Variants in CNTNAP2 observed in about 807,000 individuals in gnomAD.
CNTNAP2 encodes the protein contactin associated protein 2.
CNTNAP2 carries 98 observed loss-of-function variants against 155.2 expected under a neutral mutation model. The ratio of observed to expected loss-of-function variants is 0.63; its 90% CI spans 0.54 to 0.75. CNTNAP2 has a LOEUF of 0.75. CNTNAP2 is among the 30% of genes least tolerant of loss of function. CNTNAP2 has a pLI of 0.00. For missense variants in CNTNAP2, 1,727 were observed against 1,688.1 expected (o/e 1.02, Z -0.40); for synonymous variants, 651 against 631.2 (o/e 1.03, Z -0.47).
chr7:147,562,359 A>T, intron 12 of CNTNAP2, 102 bp downstream of exon 12: 1 of 1,413,762 alleles, frequency 7.1e-7, no homozygotes, highest in Admixed American at 1.7e-5. Context: ...TTTTTATCAC[A>T]ACATCTAATC....
At chr7:147,597,019 T>C (rs1800838080) in intron 12 of CNTNAP2, among the ~76,000 whole-genome samples, 1 of 152,136 alleles carries the variant, frequency 6.6e-6, no homozygotes, top group Non-Finnish European at 1.5e-5. Context: ...CCCACCCCTT[T>C]CCCAGAAAAC....
At chr7:146,423,111 C>T (rs1396298361) in intron 1 of CNTNAP2, among the ~76,000 whole-genome samples, 1 of 152,048 alleles carries the variant, frequency 6.6e-6, no homozygotes, top group Non-Finnish European at 1.5e-5. Context: ...TTTTATTTTA[C>T]ATTCCTTTCT....
chr7:147,086,637 C>G (rs1021665037), intron 4 of CNTNAP2, among the ~76,000 whole-genome samples: 11 of 152,092 alleles, frequency 7.2e-5, no homozygotes, highest in African/African-American at 2.2e-4. Flanking sequence ...CAGGGTCTCT[C>G]TATGTTGCCC....
rs1554399313 is a variant in CNTNAP2, at chr7:147,504,823, C to CAT, written c.1777+18797_1777+18798dup. Among the ~76,000 whole-genome samples the CAT allele has an allele frequency of 6.1e-3, 650 of 107,416 alleles. 7 individuals are homozygous for CAT. The highest frequency in any genetic ancestry group is 0.027 in the East Asian group (124 of 4,672). 70.5% of individuals were successfully genotyped at this position (107,416 alleles called of 152,430 possible). A position where few individuals can be genotyped will look rare whatever the true frequency, so the allele number is the denominator to read the frequency against. On this transcript the variant is annotated intron_variant, in intron 11 of 23. Transcript: ENST00000361727. ...AAAAATATAATTTAAAAACTATATTCATATATATATATATATGAATCAGAA... is the reference window on the plus strand; with the variant it reads ...AAAAATATAATTTAAAAACTATATTCATATATATATATATATATGAATCAGAA...
At chr7:147,025,529 G>A (rs1342490486) in intron 3 of CNTNAP2, among the ~76,000 whole-genome samples, 16 of 131,176 alleles carry the variant, frequency 1.2e-4, no homozygotes, top group Middle Eastern at 4.1e-3. Context: ...GTGGGGAGGG[G>A]AGGGCAAGGG....
At chr7:147,492,261 A>T (rs533215792) in intron 11 of CNTNAP2, among the ~76,000 whole-genome samples, 1 of 152,154 alleles carries the variant, frequency 6.6e-6, no homozygotes, top group African/African-American at 2.4e-5. Flanking sequence ...TCAGGATCCT[A>T]TGAGAATCTA....
intron 1 of CNTNAP2, among the ~76,000 whole-genome samples, chr7:146,755,778 A>C (rs1801985294): frequency 6.6e-6 from 1 of 151,994 alleles, no homozygotes; most frequent in Non-Finnish European, 1.5e-5. Flanking sequence ...TGACACATTC[A>C]AATGATACAG....
chr7:148,298,229 G>A (rs928902244), intron 21 of CNTNAP2, among the ~76,000 whole-genome samples: 1 of 152,152 alleles, frequency 6.6e-6, no homozygotes, highest in East Asian at 1.9e-4. Flanking sequence ...GCTAGTGGAT[G>A]GTGGGGAGGA....
chr7:147,245,413 C>G (rs1020506189), intron 8 of CNTNAP2, among the ~76,000 whole-genome samples: 1 of 152,048 alleles, frequency 6.6e-6, no homozygotes, highest in African/African-American at 2.4e-5. Context: ...CTCAATCCAC[C>G]TCAGCCTCCA....
chr7:146,292,427 A>C (rs1800444169), intron 1 of CNTNAP2, among the ~76,000 whole-genome samples: 1 of 152,194 alleles, frequency 6.6e-6, no homozygotes, highest in African/African-American at 2.4e-5. Flanking sequence ...TTAGCACAGA[A>C]CTTAGAATAA....
intron 21 of CNTNAP2, among the ~76,000 whole-genome samples, chr7:148,335,843 G>A (rs1489470193): frequency 7.1e-6 from 1 of 141,106 alleles, no homozygotes; most frequent in Non-Finnish European, 1.5e-5. Context: ...GTATTCTCCA[G>A]GTTTAAATAT....
At chr7:148,232,002 A>G (rs1795971308) in intron 20 of CNTNAP2, among the ~76,000 whole-genome samples, 1 of 152,150 alleles carries the variant, frequency 6.6e-6, no homozygotes, top group African/African-American at 2.4e-5. Flanking sequence ...AAGTGTTGGG[A>G]GATCCAGCTC....
chr7:147,869,617 A>G (rs971102093), intron 13 of CNTNAP2, among the ~76,000 whole-genome samples: 29 of 152,340 alleles, frequency 1.9e-4, no homozygotes, highest in African/African-American at 6.5e-4. Context: ...CAAAATAACT[A>G]AGGAAGGGAA....
intron 4 of CNTNAP2, among the ~76,000 whole-genome samples, chr7:147,060,795 C>T (rs556375125): frequency 2.0e-5 from 3 of 151,708 alleles, no homozygotes; most frequent in African/African-American, 4.8e-5. Context: ...ACCTGGGAGG[C>T]GGAGCTTGCA....
Position 146,608,626 on chromosome 7 carries a change from G to A in CNTNAP2, c.98-165645G>A, listed in dbSNP as rs570971926. On this transcript the variant is annotated intron_variant, in intron 1 of 23. Transcript: ENST00000361727. ...GAATGTACCATTCAAAATAATTGAT[G>A]TAAGTATAAAGAATTGTCTTTTTGT... Among the ~76,000 whole-genome samples the A allele has an allele frequency of 5.9e-5, 9 of 152,194 alleles. No individual in the cohort carries two copies. In the South Asian group the frequency reaches 1.5e-3, roughly 25 times the overall value.
intron 4 of CNTNAP2, among the ~76,000 whole-genome samples, chr7:147,073,061 C>T (rs933799457): frequency 1.7e-4 from 26 of 150,624 alleles, no homozygotes; most frequent in Non-Finnish European, 3.2e-4. Flanking sequence ...ACCGTGTTAG[C>T]CAGGATGGTC....
intron 1 of CNTNAP2, among the ~76,000 whole-genome samples, chr7:146,713,818 G>C (rs149305765): frequency 1.8e-4 from 27 of 152,120 alleles, no homozygotes; most frequent in South Asian, 1.0e-3. Context: ...GCCACTTGTC[G>C]TATGGCATGA....
intron 8 of CNTNAP2, among the ~76,000 whole-genome samples, chr7:147,138,895 A>G (rs141200035): frequency 6.6e-6 from 1 of 152,160 alleles, no homozygotes; most frequent in Non-Finnish European, 1.5e-5. Context: ...TTTGTTGGAT[A>G]AAATGGAGGC....
At chr7:146,918,639 A>G (rs1338439978) in intron 3 of CNTNAP2, among the ~76,000 whole-genome samples, 1 of 152,138 alleles carries the variant, frequency 6.6e-6, no homozygotes, top group Non-Finnish European at 1.5e-5. Flanking sequence ...AATTTAGATA[A>G]CCTGATGACA....
Sources: allele counts gnomAD v4.1 joint callset (sites outside exome capture counted in the v4.1 genomes callset), GRCh38; gene constraint gnomAD v4.1.1; transcripts MANE v1.5; gene names NCBI Gene and HGNC (gene_info 2026-07-23, HGNC 2026-07-21).